ALDH2: variants seen among roughly 807,000 people sequenced by gnomAD.
ALDH2 encodes the protein aldehyde dehydrogenase, mitochondrial.
In ALDH2, 44 loss-of-function variants were observed where a neutral mutation model predicts 59.6. The ratio of observed to expected loss-of-function variants is 0.74; its 90% CI spans 0.58 to 0.95. The LOEUF (loss-of-function observed/expected upper bound fraction) is 0.95. ALDH2 is among the 40% of genes least tolerant of loss of function. The pLI, the probability that ALDH2 is intolerant of heterozygous loss-of-function variation, is 0.00. For missense variants in ALDH2, 570 were observed against 696.3 expected (o/e 0.82, Z 2.04); for synonymous variants, 291 against 284.0 (o/e 1.02, Z -0.25).
chr12:111,767,670 C>G (rs747981430), intron 1 of ALDH2, among the ~76,000 whole-genome samples: 2 of 152,234 alleles, frequency 1.3e-5, no homozygotes. Context: ...CAAGGGGTGT[C>G]TGCGGCTTCC....
In ALDH2 at chr12:111,767,135, C is replaced by G. The variant is rs1318008030; in HGVS notation, c.114+39C>G. 10 of 1,422,592 alleles carry G rather than the reference C, an allele frequency of 7.0e-6. No homozygotes were observed. In the African/African-American group the frequency reaches 1.5e-4, roughly 21 times the overall value. The allele number at this position is 1,422,592 out of a possible 1,614,324, so 88.1% of individuals were successfully genotyped here. A position where few individuals can be genotyped will look rare whatever the true frequency, so the allele number is the denominator to read the frequency against. ...CCGGGCTCGCGCTTTGTTTTCCGGC[C>G]CGAGTCCCCCGCAGGCCCCTAGGAA... On this transcript the variant is annotated intron_variant, in intron 1 of 12. Transcript: ENST00000261733.
chr12:111,811,106 G>A lies in ALDH2; in HGVS notation c.*1531G>A, dbSNP rs1310528195. ...AATTCCAGCACTTTGGGAGGCCAAG[G>A]TGGGTGGGTCACCTGAGGTTGGGAG... On this transcript the variant is annotated 3_prime_UTR_variant, in exon 13 of 13. Coordinates refer to ENST00000261733, the MANE Select transcript of ALDH2 (RefSeq NM_000690.4). 6.6e-6 allele frequency: 1 copy of A among 151,888 alleles called. No individual in the cohort carries two copies. Among genetic ancestry groups the A allele is most frequent in the Non-Finnish European group, 1.5e-5 (1 of 68,038 alleles). The allele number at this position is 151,888 out of a possible 1,614,324, so 9.4% of individuals were successfully genotyped here. A position where few individuals can be genotyped will look rare whatever the true frequency, so the allele number is the denominator to read the frequency against.
chr12:111,789,932 C>A lies in ALDH2; in HGVS notation c.550C>A (p.Pro184Thr). Residue 184 changes from proline to threonine, a missense_variant and splice_region_variant, in exon 5 of 13, where the codon CCG becomes ACG. Physicochemically the swap from Pro to Thr is conservative, Grantham distance 38. Coordinates refer to ENST00000261733, the MANE Select transcript of ALDH2 (RefSeq NM_000690.4). Reference protein sequence around the residue: ...EPVGVCGQIIPWNFPLLMQAW... With the variant: ...EPVGVCGQIITWNFPLLMQAW... ...TGTGGGGGTGTGCGGGCAGATCATT[C>A]CGGTGAGTCCAGCCTCCCTGGAGTT... 1.9e-6 allele frequency: 3 copies of A among 1,613,692 alleles called. No homozygotes were observed. The highest frequency in any genetic ancestry group is 1.3e-5 in the African/African-American group (1 of 75,046).
intron 12 of ALDH2, among the ~76,000 whole-genome samples, chr12:111,807,323 C>A (rs1285985762): frequency 6.6e-6 from 1 of 151,886 alleles, no homozygotes; most frequent in Admixed American, 6.6e-5. Flanking sequence ...TGTATCCCCA[C>A]CATAAAGCTA....
At chr12:111,785,189 C>G (rs1713631395) in intron 3 of ALDH2, 78 bp from the exon 4 acceptor site, 2 of 1,205,590 alleles carry the variant, frequency 1.7e-6, no homozygotes, top group Non-Finnish European at 2.5e-6. Context: ...TCAGTCCCAG[C>G]CTTGGCGCCC....
chr12:111,792,860 T>G, intron 9 of ALDH2, 78 bp downstream of exon 9: 2 of 1,448,622 alleles, frequency 1.4e-6, no homozygotes, highest in Non-Finnish European at 1.8e-6. Flanking sequence ...CTCAGATCAG[T>G]TGGGACTGGG....
Position 111,800,341 on chromosome 12 carries a change from G to T in ALDH2, c.1406+278G>T, listed in dbSNP as rs1421306965. Among the ~76,000 whole-genome samples, 3 of 152,234 alleles carry T rather than the reference G, an allele frequency of 2.0e-5. No homozygotes were observed. In the East Asian group the frequency reaches 5.8e-4, roughly 29 times the overall value. On this transcript the variant is annotated intron_variant, in intron 11 of 12. Coordinates refer to ENST00000261733, the MANE Select transcript of ALDH2 (RefSeq NM_000690.4). ...AGGAGACCAGAGCAGAGGGACCCAT[G>T]ATTGTGACACTGATCCTAAAAGCTT...
chr12:111,802,994 C>A (rs1331844788), intron 11 of ALDH2, among the ~76,000 whole-genome samples: 2 of 151,618 alleles, frequency 1.3e-5, no homozygotes, highest in African/African-American at 2.4e-5. Context: ...AGTTTGAGAC[C>A]AGCCTGACCA....
intron 1 of ALDH2, among the ~76,000 whole-genome samples, chr12:111,771,471 T>C (rs370566765): frequency 4.7e-4 from 72 of 152,158 alleles, no homozygotes; most frequent in African/African-American, 1.6e-3. Flanking sequence ...TCGAGCTCCA[T>C]TGGGAAATAG....
At chr12:111,770,165 G>A (rs1437042092) in intron 1 of ALDH2, among the ~76,000 whole-genome samples, 3 of 151,982 alleles carry the variant, frequency 2.0e-5, no homozygotes, top group Non-Finnish European at 4.4e-5. Context: ...AAAATGTGGG[G>A]GGTAAAATTC....
intron 6 of ALDH2, 125 bp downstream of exon 6, chr12:111,790,687 G>A: frequency 1.6e-6 from 2 of 1,243,620 alleles, no homozygotes; most frequent in Non-Finnish European, 2.2e-6. Context: ...CCATCACCAT[G>A]TGAACCAGAG....
At chr12:111,789,693 G>A in intron 4 of ALDH2, 130 bp from the exon 5 acceptor site, 1 of 783,676 alleles carries the variant, frequency 1.3e-6, no homozygotes, top group Non-Finnish European at 2.1e-6. Context: ...GTCTCTCTCT[G>A]AATAAGCCAA....
intron 12 of ALDH2, among the ~76,000 whole-genome samples, chr12:111,809,301 A>G (rs1214226877): frequency 6.6e-6 from 1 of 152,186 alleles, no homozygotes; most frequent in Admixed American, 6.5e-5. Context: ...TAAAAATACA[A>G]AAAGTTAGCT....
At chr12:111,799,302 A>T (rs964611949) in intron 10 of ALDH2, among the ~76,000 whole-genome samples, 2 of 151,732 alleles carry the variant, frequency 1.3e-5, no homozygotes, top group Admixed American at 1.3e-4. Flanking sequence ...AGTAGCTGGG[A>T]TTACAGGCGC....
chr12:111,797,951 C>G, intron 9 of ALDH2, 127 bp from the exon 10 acceptor site: 1 of 1,133,196 alleles, frequency 8.8e-7, no homozygotes, highest in Non-Finnish European at 1.3e-6. Context: ...GTTTCCTCTT[C>G]TGATCTTGCT....
At chr12:111,775,477 T>C in intron 1 of ALDH2, 1 of 359,302 alleles carries the variant, frequency 2.8e-6, no homozygotes. Flanking sequence ...TGGCCAGGGC[T>C]GTCAGTGAAA....
chr12:111,797,456 C>T (rs139911899), intron 9 of ALDH2, among the ~76,000 whole-genome samples: 155 of 152,186 alleles, frequency 1.0e-3, no homozygotes, highest in African/African-American at 3.5e-3. Flanking sequence ...CAAAAATTAG[C>T]CCAGCGTAGG....
In ALDH2 at chr12:111,789,905, C is replaced by A. The variant is rs767739457; in HGVS notation, c.523C>A (p.Pro175Thr). ...CTTCTTCAGCTACACACGCCATGAA[C>A]CTGTGGGGGTGTGCGGGCAGATCAT... ...GDFFSYTRHE[P>T]VGVCGQIIPW... Residue 175 changes from proline to threonine, a missense_variant, in exon 5 of 13, where the codon CCT becomes ACT. Pro to Thr is a conservative substitution (Grantham distance 38). Transcript: ENST00000261733. 5.0e-6 allele frequency: 8 copies of A among 1,614,134 alleles called. 1 individual carries two copies. In the South Asian group the frequency reaches 7.7e-5, roughly 16 times the overall value.
intron 9 of ALDH2, among the ~76,000 whole-genome samples, chr12:111,796,111 A>T (rs1171752518): frequency 6.6e-6 from 1 of 150,774 alleles, no homozygotes; most frequent in Non-Finnish European, 1.5e-5. Context: ...AAAAAAAAAA[A>T]TGCAAATCAT....
Sources: allele counts gnomAD v4.1 joint callset (sites outside exome capture counted in the v4.1 genomes callset), GRCh38; gene constraint gnomAD v4.1.1; transcripts MANE v1.5; gene names NCBI Gene and HGNC (gene_info 2026-07-23, HGNC 2026-07-21).